Variants in CPT1A observed in about 807,000 individuals in gnomAD.
The protein encoded by CPT1A is carnitine palmitoyltransferase 1A.
Under a neutral mutation model 100.8 loss-of-function variants are expected in CPT1A, and 64 were observed. That is an observed-to-expected ratio of 0.63 (90% CI 0.52 to 0.78). The LOEUF (loss-of-function observed/expected upper bound fraction) is 0.78. Among genes scored for constraint, CPT1A ranks in the 30% least tolerant of loss-of-function variants. CPT1A has a pLI of 0.00. For missense variants in CPT1A, 802 were observed against 1,034.1 expected (o/e 0.78, Z 3.08); for synonymous variants, 363 against 396.0 (o/e 0.92, Z 0.99).
chr11:68,788,630 T>TAAAAAAAAAATAA (rs1855529501), intron 9 of CPT1A, among the ~76,000 whole-genome samples: 1 of 27,548 alleles, frequency 3.6e-5, no homozygotes, highest in Non-Finnish European at 6.2e-5. Flanking sequence ...CAAACAAAAG[T>TAAAAAAAAAATAA]AAAAAAAAAA....
chr11:68,839,807 G>T, intron 1 of CPT1A: 2 of 675,776 alleles, frequency 3.0e-6, no homozygotes, highest in Non-Finnish European at 1.8e-6. Context: ...CAACTTGACC[G>T]CTCGGTGACC....
At chr11:68,806,071 A>G (rs1856037748) in intron 4 of CPT1A, among the ~76,000 whole-genome samples, 1 of 148,980 alleles carries the variant, frequency 6.7e-6, no homozygotes, top group Admixed American at 6.7e-5. Context: ...CTAGGAGTGC[A>G]GTGACACAAC....
intron 4 of CPT1A, among the ~76,000 whole-genome samples, chr11:68,805,706 C>T (rs143898535): frequency 6.6e-6 from 1 of 152,186 alleles, no homozygotes; most frequent in Admixed American, 6.5e-5. Context: ...CAGCCCCATT[C>T]GAGAAAGATT....
At chr11:68,829,910 C>A (rs1286691815) in intron 1 of CPT1A, among the ~76,000 whole-genome samples, 1 of 152,180 alleles carries the variant, frequency 6.6e-6, no homozygotes, top group South Asian at 2.1e-4. Flanking sequence ...GTACAGAAAT[C>A]ACTTCTGAGA....
At chr11:68,838,409 A>G (rs966812277) in intron 1 of CPT1A, among the ~76,000 whole-genome samples, 7 of 151,908 alleles carry the variant, frequency 4.6e-5, no homozygotes, top group Non-Finnish European at 1.5e-5. Flanking sequence ...CAAGGTAACA[A>G]ATATTTGAAG....
chr11:68,842,165 T>G (rs1857176334), upstream of CPT1A, among the ~76,000 whole-genome samples: 1 of 152,168 alleles, frequency 6.6e-6, no homozygotes, highest in Admixed American at 6.5e-5. Flanking sequence ...ATAAAATCGC[T>G]TAGCTCCGTG....
chr11:68,760,491 G>A (rs1278050406), intron 16 of CPT1A, among the ~76,000 whole-genome samples, 153 bp from the exon 17 acceptor site: 2 of 146,964 alleles, frequency 1.4e-5, no homozygotes, highest in Admixed American at 6.7e-5. Context: ...CTTGGGCAGC[G>A]TATCTGCAGA....
intron 2 of CPT1A, among the ~76,000 whole-genome samples, 155 bp from the exon 3 acceptor site, chr11:68,812,731 TG>T (rs1334795872): frequency 6.6e-6 from 1 of 152,150 alleles, no homozygotes; most frequent in Non-Finnish European, 1.5e-5. Flanking sequence ...CCCCACTAGC[TG>T]GGACTCTCCC....
intron 18 of CPT1A, among the ~76,000 whole-genome samples, chr11:68,759,143 C>T (rs1946751054): frequency 6.6e-6 from 1 of 151,940 alleles, no homozygotes; most frequent in Non-Finnish European, 1.5e-5. Context: ...CCTGTAATCT[C>T]AGCACTTTGG....
chr11:68,821,408 C>T (rs1042224161), intron 1 of CPT1A, among the ~76,000 whole-genome samples: 2 of 152,212 alleles, frequency 1.3e-5, no homozygotes, highest in Non-Finnish European at 2.9e-5. Flanking sequence ...CCGCCTCAGC[C>T]TCCCAAAGTG....
At chr11:68,785,139 AACCTATTCCTCAAG>A in intron 9 of CPT1A, 129 bp from the exon 10 acceptor site, 1 of 767,528 alleles carries the variant, frequency 1.3e-6, no homozygotes, top group Non-Finnish European at 2.3e-6. Flanking sequence ...CAGCCTCAGG[AACCTATTCCTCAAG>A]ACGTTTTAAA....
chr11:68,817,903 C>T (rs887736902), intron 1 of CPT1A, among the ~76,000 whole-genome samples: 2 of 151,628 alleles, frequency 1.3e-5, no homozygotes, highest in South Asian at 4.2e-4. Flanking sequence ...TGGCTGGGGT[C>T]GACAGGGTGT....
At chr11:68,816,477 C>T (rs1481070070) in intron 1 of CPT1A, among the ~76,000 whole-genome samples, 2 of 152,130 alleles carry the variant, frequency 1.3e-5, no homozygotes, top group Non-Finnish European at 2.9e-5. Flanking sequence ...GGAGAGCATC[C>T]CCTGGCCGGC....
At chr11:68,814,689 ATTTTTTTG>A (rs766934887) in intron 2 of CPT1A, among the ~76,000 whole-genome samples, 1 of 146,786 alleles carries the variant, frequency 6.8e-6, no homozygotes, top group Non-Finnish European at 1.5e-5. Flanking sequence ...TGGAAAAAAT[ATTTTTTTG>A]TTTTTTTGAG....
intron 4 of CPT1A, among the ~76,000 whole-genome samples, chr11:68,806,220 C>A (rs4930249): frequency 6.6e-6 from 1 of 151,948 alleles, no homozygotes; most frequent in South Asian, 2.1e-4. Flanking sequence ...GTAGAGACGT[C>A]TTTTTGCCAT....
At chr11:68,757,791 C>T (rs1946720541) in intron 18 of CPT1A, 61 bp from the exon 19 acceptor site, 1 of 1,402,028 alleles carries the variant, frequency 7.1e-7, no homozygotes, top group African/African-American at 1.4e-5. Context: ...ACATTTCAAG[C>T]TTTTTCATTT....
intron 14 of CPT1A, among the ~76,000 whole-genome samples, chr11:68,767,385 T>TTGAGAC (rs1166744505): frequency 6.6e-6 from 1 of 152,140 alleles, no homozygotes; most frequent in East Asian, 1.9e-4. Flanking sequence ...GCCTAGGAGT[T>TTGAGAC]TGAGACCAGC....
intron 12 of CPT1A, among the ~76,000 whole-genome samples, chr11:68,778,508 G>A (rs1031963707): frequency 1.3e-5 from 2 of 152,066 alleles, no homozygotes; most frequent in African/African-American, 2.4e-5. Flanking sequence ...GGCCAAGGCG[G>A]GTGGATCACT....
At chr11:68,760,413 G>T in intron 16 of CPT1A, 75 bp from the exon 17 acceptor site, 1 of 1,158,088 alleles carries the variant, frequency 8.6e-7, no homozygotes. Context: ...GGGAAGACGA[G>T]AAAAGCCTGG....
Sources: gnomAD v4.1 joint callset for allele counts (sites outside exome capture counted in the v4.1 genomes callset) on GRCh38, gnomAD v4.1.1 for gene constraint, MANE v1.5 for transcripts, NCBI Gene and HGNC (gene_info 2026-07-23, HGNC 2026-07-21) for gene names.